The following STX3 variants were observed in gnomAD, a reference collection of about 807,000 sequenced individuals.
STX3 encodes syntaxin-3.
A neutral mutation model predicts 40.2 loss-of-function variants in STX3; 19 were observed. That is an observed-to-expected ratio of 0.47 (90% CI 0.33 to 0.69). The LOEUF (loss-of-function observed/expected upper bound fraction) is 0.69. Among genes scored for constraint, STX3 ranks in the 30% least tolerant of loss-of-function variants. The pLI is 0.02. For missense variants in STX3, 364 were observed against 366.7 expected (o/e 0.99, Z 0.06); for synonymous variants, 122 against 132.2 (o/e 0.92, Z 0.53).
chr11:59,792,116 C>T lies in STX3; in HGVS notation c.367C>T (p.Leu123Phe), dbSNP rs2135015210. 2.5e-6 allele frequency: 4 copies of T among 1,613,830 alleles called. No homozygotes were observed. Among genetic ancestry groups the T allele is most frequent in the Non-Finnish European group, 3.4e-6 (4 of 1,179,920 alleles). ...LRIRKSQHSV[L>F]SRKFVEVMTK... Reference sequence around the variant, plus strand: ...TTACATCATCCCACAGCACTCTGTCCTTTCTCGGAAGTTTGTGGAGGTGAT... The same window carrying T: ...TTACATCATCCCACAGCACTCTGTCTTTTCTCGGAAGTTTGTGGAGGTGAT... The change falls in exon 6 of 11, where the codon CTT becomes TTT. Residue 123 changes from leucine (L) to phenylalanine (F), a missense_variant. Transcript: ENST00000337979.
intron 1 of STX3, among the ~76,000 whole-genome samples, chr11:59,765,999 G>A (rs75490049): frequency 0.043 from 6,541 of 152,186 alleles, 180 homozygotes; most frequent in African/African-American, 0.049. Flanking sequence ...CTGCCCCACC[G>A]GCCCACAAAT....
chr11:59,766,271 A>G (rs1330377368), intron 1 of STX3, among the ~76,000 whole-genome samples: 4 of 152,168 alleles, frequency 2.6e-5, no homozygotes, highest in African/African-American at 9.7e-5. Flanking sequence ...GGAGATACTG[A>G]TGATTTAAAC....
intron 1 of STX3, among the ~76,000 whole-genome samples, chr11:59,759,978 T>A (rs1009089664): frequency 4.6e-5 from 7 of 152,202 alleles, no homozygotes; most frequent in African/African-American, 1.7e-4. Context: ...CTTTCTCTAG[T>A]CATAAAATTT....
At position 59,793,087 on chromosome 11, in the gene STX3, T is replaced by C. The variant is rs760368336; in HGVS notation, c.467-12T>C. On this transcript the variant is annotated splice_polypyrimidine_tract_variant and intron_variant, in intron 6 of 10. Transcript: ENST00000337979. ...ATCTTATATTTGACGCTCTACTTCT[T>C]TTGTTACAAAGCTGGCAAAAAGACA... The C allele has an allele frequency of 6.2e-7, 1 of 1,613,062 alleles. No individual in the cohort carries two copies. The highest frequency in any genetic ancestry group is 2.2e-5 in the East Asian group (1 of 44,872).
chr11:59,757,181 CAG>C (rs1013832767), intron 1 of STX3, among the ~76,000 whole-genome samples: 12 of 152,146 alleles, frequency 7.9e-5, no homozygotes, highest in Non-Finnish European at 1.8e-4. Flanking sequence ...CTCCAGGACA[CAG>C]AGCCGGCCAG....
intron 4 of STX3, among the ~76,000 whole-genome samples, chr11:59,789,920 A>G (rs1325404137): frequency 6.6e-6 from 1 of 152,144 alleles, no homozygotes; most frequent in African/African-American, 2.4e-5. Context: ...CAGAGCCTAG[A>G]AGGTTTACTT....
In STX3 at chr11:59,770,169, G is replaced by A. The variant is rs191209860; in HGVS notation, c.31-3042G>A. On this transcript the variant is annotated intron_variant, in intron 1 of 10. Coordinates refer to ENST00000337979, the MANE Select transcript of STX3 (RefSeq NM_004177.5). The stretch of plus-strand genomic sequence containing the variant: ...GTGTGTATAGGGTGTGCGTGTAAGG[G>A]GTGTGTGTGTGTGCTGTATGTGTAT... 1.4e-4 allele frequency among the ~76,000 whole-genome samples: 21 copies of A among 148,480 alleles called. No individual in the cohort carries two copies. The East Asian group carries it at 4.2e-3, about 29-fold the overall frequency.
At chr11:59,799,633 G>T in intron 10 of STX3, 1 of 985,138 alleles carries the variant, frequency 1.0e-6, no homozygotes, top group African/African-American at 1.7e-5. Flanking sequence ...ATAATACCAT[G>T]CCAGTACCCA....
In STX3 at chr11:59,790,539, G is replaced by A. The variant is rs778121596; in HGVS notation, c.310G>A (p.Glu104Lys). The A allele has an allele frequency of 6.2e-7, 1 of 1,613,990 alleles. No homozygotes were observed. The highest frequency in any genetic ancestry group is 8.5e-7 in the Non-Finnish European group (1 of 1,179,938). Residue 104 changes from glutamate (E) to lysine (K), a missense_variant, in exon 5 of 11, where the codon GAA becomes AAA. Coordinates refer to ENST00000337979, the MANE Select transcript of STX3 (RefSeq NM_004177.5). ...KLKSMEKHIE[E>K]DEVRSSADLR... ...TTTAGGCATGGAGAAGCATATTGAA[G>A]AAGATGAGGTCAGGTCATCGGCAGA...
chr11:59,799,884 A>G, intron 10 of STX3: 7 of 985,146 alleles, frequency 7.1e-6, no homozygotes, highest in Non-Finnish European at 8.4e-6. Context: ...GTGAACTTTA[A>G]ATTTTGGTTT....
chr11:59,781,217 G>GAA, intron 2 of STX3: 4 of 723,596 alleles, frequency 5.5e-6, no homozygotes, highest in Non-Finnish European at 8.7e-6. Context: ...ACACAGTAAT[G>GAA]AAAAAAAAAA....
At chr11:59,777,606 T>C (rs1483776830) in intron 2 of STX3, among the ~76,000 whole-genome samples, 2 of 152,140 alleles carry the variant, frequency 1.3e-5, no homozygotes, top group African/African-American at 4.8e-5. Flanking sequence ...AACAAAGATA[T>C]GTAATTATTT....
intron 2 of STX3, chr11:59,781,729 C>A (rs764352507): frequency 4.4e-6 from 7 of 1,584,890 alleles, no homozygotes; most frequent in Non-Finnish European, 6.0e-6. Flanking sequence ...ATGGTGGGTG[C>A]GGGCGGGCTG....
At chr11:59,797,663 A>G (rs1180913139) in intron 10 of STX3, among the ~76,000 whole-genome samples, 3 of 152,116 alleles carry the variant, frequency 2.0e-5, no homozygotes, top group Non-Finnish European at 4.4e-5. Flanking sequence ...CTCCCAGCAT[A>G]CCTGAGCACC....
Position 59,800,912 on chromosome 11 carries a change from CTGAA to C in STX3, c.*91_*94del. ...CCTTGTCTTCAGATGAGAATGGAGT[CTGAA>C]TGGCCTTCCTGAGAGCGAGTGCGAC... On this transcript the variant is annotated 3_prime_UTR_variant, in exon 11 of 11. Transcript: ENST00000337979. 6.5e-7 allele frequency: 1 copy of C among 1,536,296 alleles called. No homozygotes were observed. The highest frequency in any genetic ancestry group is 8.7e-7 in the Non-Finnish European group (1 of 1,146,894).
At position 59,803,190 on chromosome 11, in the gene STX3, TTC is replaced by T; in HGVS notation, c.*2368_*2369del. On this transcript the variant is annotated 3_prime_UTR_variant, in exon 11 of 11. Coordinates refer to ENST00000337979, the MANE Select transcript of STX3 (RefSeq NM_004177.5). ...TTTTTGCGATGATGTTTCTCATGTA[TTC>T]TTTCTTTCCTTGTCTGGATGAGCAG... 2 of 1,231,698 alleles carry T rather than the reference TTC, an allele frequency of 1.6e-6. No homozygotes were observed. Among genetic ancestry groups the T allele is most frequent in the Non-Finnish European group, 2.0e-6 (2 of 987,936 alleles). The allele number at this position is 1,231,698 out of a possible 1,614,324, so 76.3% of individuals were successfully genotyped here.
At chr11:59,774,754 C>A (rs1863862668) in intron 2 of STX3, among the ~76,000 whole-genome samples, 1 of 152,072 alleles carries the variant, frequency 6.6e-6, no homozygotes, top group Admixed American at 6.5e-5. Context: ...TCGCTTGAAC[C>A]CAGGAGGCGT....
chr11:59,783,021 A>G (rs1371816732), intron 2 of STX3, among the ~76,000 whole-genome samples: 2 of 152,104 alleles, frequency 1.3e-5, no homozygotes, highest in African/African-American at 2.4e-5. Flanking sequence ...TTAATAAACA[A>G]TGTGCAATGA....
chr11:59,780,520 CAAG>C (rs895604012), intron 2 of STX3, among the ~76,000 whole-genome samples: 3 of 152,168 alleles, frequency 2.0e-5, no homozygotes, highest in African/African-American at 4.8e-5. Flanking sequence ...GCAGAAGACT[CAAG>C]GAGGAGGGAA....
Sources: allele counts gnomAD v4.1 joint callset (sites outside exome capture counted in the v4.1 genomes callset), GRCh38; gene constraint gnomAD v4.1.1; transcripts MANE v1.5; gene names NCBI Gene and HGNC (gene_info 2026-07-23, HGNC 2026-07-21).